ARHGEF37: variants seen among roughly 807,000 people sequenced by gnomAD.
ARHGEF37 encodes the protein Rho guanine nucleotide exchange factor (GEF) 37.
In ARHGEF37, 55 loss-of-function variants were observed where a neutral mutation model predicts 71.1. The observed-to-expected ratio is 0.77, with a 90% CI of 0.62 to 0.97. The LOEUF (loss-of-function observed/expected upper bound fraction) is 0.97. ARHGEF37 is among the 50% of genes least tolerant of loss of function. The pLI is 0.00. For synonymous variants in ARHGEF37, 327 were observed against 350.6 expected (o/e 0.93, Z 0.75); for missense variants, 765 against 836.8 (o/e 0.91, Z 1.06).
rs1256239252 is a variant in ARHGEF37 at position 149,634,734 on chromosome 5, C to A, written c.*2543C>A. 1.3e-5 allele frequency: 2 copies of A among 152,536 alleles called. No individual in the cohort carries two copies. Among genetic ancestry groups the A allele is most frequent in the Non-Finnish European group, 2.9e-5 (2 of 68,008 alleles). 9.4% of individuals were successfully genotyped at this position (152,536 alleles called of 1,614,324 possible). ...CATACTAAACTTGCAAAGATATTTG[C>A]CTATGAACTGAACAAGACTTCCAGG... On this transcript the variant is annotated 3_prime_UTR_variant, in exon 13 of 13. Transcript: ENST00000333677.
At position 149,597,937 on chromosome 5, in the gene ARHGEF37, C is replaced by T; in HGVS notation, c.168C>T (p.Ile56=). The T allele has an allele frequency of 6.3e-7, 1 of 1,595,148 alleles. No individual in the cohort carries two copies. The highest frequency in any genetic ancestry group is 8.5e-7 in the Non-Finnish European group (1 of 1,171,636). Residue 56 remains isoleucine, a synonymous_variant, in exon 2 of 13, where the codon ATC becomes ATT. Coordinates refer to ENST00000333677, the MANE Select transcript of ARHGEF37 (RefSeq NM_001001669.3). ...TGCTCCAGCTCTGTGCCTCTGACAT[C>T]AGGAGCCGCCTCCAGCAGGTACTTG... ...LHMLQLCASD[I]RSRLQQLPQG... is the part of the protein sequence containing the mutation.
At chr5:149,596,695 C>T (rs1208915408) in intron 1 of ARHGEF37, among the ~76,000 whole-genome samples, 1 of 152,034 alleles carries the variant, frequency 6.6e-6, no homozygotes, top group Non-Finnish European at 1.5e-5. Flanking sequence ...AGGGGAGGAT[C>T]AAGAGTAGCC....
intron 4 of ARHGEF37, among the ~76,000 whole-genome samples, chr5:149,611,573 G>C (rs551433725): frequency 1.3e-5 from 2 of 152,362 alleles, no homozygotes; most frequent in African/African-American, 4.8e-5. Flanking sequence ...CGAGCTCCAT[G>C]GTGGTGGATG....
chr5:149,563,612 T>G (rs1462287656), intron 1 of ARHGEF37, among the ~76,000 whole-genome samples: 4 of 152,216 alleles, frequency 2.6e-5, no homozygotes, highest in Non-Finnish European at 5.9e-5. Flanking sequence ...GCTGTTATTA[T>G]TAGGCAATTC....
At chr5:149,585,454 A>G (rs935987848) in intron 1 of ARHGEF37, among the ~76,000 whole-genome samples, 2 of 152,228 alleles carry the variant, frequency 1.3e-5, no homozygotes, top group African/African-American at 4.8e-5. Flanking sequence ...ATACGAATGG[A>G]TCTCAAAATA....
At chr5:149,612,881 G>A (rs977890780) in intron 4 of ARHGEF37, among the ~76,000 whole-genome samples, 1 of 152,190 alleles carries the variant, frequency 6.6e-6, no homozygotes, top group Non-Finnish European at 1.5e-5. Flanking sequence ...CAAAATGCAC[G>A]CTGACCCCAC....
chr5:149,605,448 T>A (rs1763889940), intron 3 of ARHGEF37, among the ~76,000 whole-genome samples: 1 of 152,174 alleles, frequency 6.6e-6, no homozygotes, highest in Non-Finnish European at 1.5e-5. Flanking sequence ...TGAAATCCAG[T>A]ATCTTTTACA....
At chr5:149,607,747 A>G (rs1763953797) in intron 3 of ARHGEF37, among the ~76,000 whole-genome samples, 1 of 149,178 alleles carries the variant, frequency 6.7e-6, no homozygotes, top group Non-Finnish European at 1.5e-5. Flanking sequence ...AGAATTATAA[A>G]GAAACTTCTT....
At chr5:149,568,726 C>T (rs1370078195) in intron 1 of ARHGEF37, among the ~76,000 whole-genome samples, 2 of 150,260 alleles carry the variant, frequency 1.3e-5, no homozygotes, top group Non-Finnish European at 3.0e-5. Flanking sequence ...CAGGGAGAAT[C>T]GCTGGCACCT....
At chr5:149,612,682 A>G (rs915164004) in intron 4 of ARHGEF37, among the ~76,000 whole-genome samples, 1 of 152,168 alleles carries the variant, frequency 6.6e-6, no homozygotes, top group Middle Eastern at 3.2e-3. Flanking sequence ...TGAGACATGG[A>G]ACAATTCTCT....
upstream of ARHGEF37, among the ~76,000 whole-genome samples, chr5:149,579,875 G>A (rs1036687151): frequency 2.6e-5 from 4 of 151,902 alleles, no homozygotes; most frequent in South Asian, 2.1e-4. Flanking sequence ...GTGAACCACC[G>A]TGCCCCGCCA....
intron 3 of ARHGEF37, among the ~76,000 whole-genome samples, chr5:149,604,914 C>G (rs1201241412): frequency 6.6e-6 from 1 of 151,454 alleles, no homozygotes; most frequent in African/African-American, 2.4e-5. Context: ...AACTCTTGGC[C>G]CAGCAACAGC....
intron 4 of ARHGEF37, among the ~76,000 whole-genome samples, chr5:149,613,056 G>A (rs1215022360): frequency 6.6e-6 from 1 of 152,228 alleles, no homozygotes; most frequent in African/African-American, 2.4e-5. Flanking sequence ...CCTTGCAGAG[G>A]TGGGCCCGTC....
At chr5:149,602,845 C>G (rs1351161620) in intron 3 of ARHGEF37, among the ~76,000 whole-genome samples, 4 of 152,068 alleles carry the variant, frequency 2.6e-5, no homozygotes, top group Non-Finnish European at 5.9e-5. Flanking sequence ...CTGTGGCCAC[C>G]CAAGTCCCCT....
chr5:149,617,611 T>C (rs533051322), intron 5 of ARHGEF37, among the ~76,000 whole-genome samples: 1 of 152,332 alleles, frequency 6.6e-6, no homozygotes, highest in East Asian at 1.9e-4. Context: ...AATGAGAGCA[T>C]GCATCACTTG....
intron 4 of ARHGEF37, among the ~76,000 whole-genome samples, chr5:149,609,987 T>A (rs1429684510): frequency 6.6e-6 from 1 of 152,218 alleles, no homozygotes; most frequent in African/African-American, 2.4e-5. Flanking sequence ...AGCCACTGTC[T>A]GGAATATTGC....
upstream of ARHGEF37, chr5:149,551,845 A>G (rs568632894): frequency 1.1e-4 from 16 of 152,140 alleles, no homozygotes; most frequent in Non-Finnish European, 1.9e-4. Context: ...GTTCCCCCGG[A>G]CCGGCCTATT....
chr5:149,572,369 G>T (rs1048576860), intron 1 of ARHGEF37, among the ~76,000 whole-genome samples: 1 of 152,164 alleles, frequency 6.6e-6, no homozygotes, highest in Non-Finnish European at 1.5e-5. Context: ...TAAGTTACAG[G>T]CTATCAAGGA....
At chr5:149,609,282 A>G (rs531747830) in intron 3 of ARHGEF37, among the ~76,000 whole-genome samples, 1 of 152,364 alleles carries the variant, frequency 6.6e-6, no homozygotes, top group South Asian at 2.1e-4. Context: ...TATTCCTGGT[A>G]TGACTATAGC....
Sources: gnomAD v4.1 joint callset for allele counts (sites outside exome capture counted in the v4.1 genomes callset) on GRCh38, gnomAD v4.1.1 for gene constraint, MANE v1.5 for transcripts, NCBI Gene and HGNC (gene_info 2026-07-23, HGNC 2026-07-21) for gene names.